SYT7: variants seen among roughly 807,000 people sequenced by gnomAD.
SYT7 encodes the protein synaptotagmin-7.
In SYT7, 29 loss-of-function variants were observed where a neutral mutation model predicts 75.1. The observed-to-expected ratio is 0.39, with a 90% CI of 0.29 to 0.53. The LOEUF (loss-of-function observed/expected upper bound fraction) is 0.53. Ranked by LOEUF, SYT7 falls within the 20% of genes least tolerant of loss-of-function variation. The probability of loss-of-function intolerance (pLI) is 0.77; values close to 1 mark genes in which losing one functional copy is unlikely to be tolerated. For missense variants in SYT7, 693 were observed against 953.2 expected (o/e 0.73, Z 3.59); for synonymous variants, 376 against 401.7 (o/e 0.94, Z 0.76).
At chr11:61,566,045 A>G (rs1334547093) in intron 1 of SYT7, among the ~76,000 whole-genome samples, 5 of 152,256 alleles carry the variant, frequency 3.3e-5, no homozygotes, top group African/African-American at 1.2e-4. Context: ...GTCGGGATCC[A>G]CAAGCACTCC....
At chr11:61,527,201 C>T (rs774246245) in intron 9 of SYT7, among the ~76,000 whole-genome samples, 18 of 152,174 alleles carry the variant, frequency 1.2e-4, no homozygotes, top group African/African-American at 1.7e-4. Flanking sequence ...CTGTGGTTCC[C>T]GTCCCATGCG....
In SYT7 at chr11:61,523,135, C is replaced by A. The variant is rs776539198; in HGVS notation, c.1896G>T (p.Thr632=). The change falls in exon 12 of 13, where the codon ACG becomes ACT. Residue 632 remains threonine, a synonymous_variant. Coordinates refer to ENST00000539008, the MANE Select transcript of SYT7 (RefSeq NM_001365809.2). This position sits in a 1 kb window ranked among gnomAD's most constrained non-coding sequence, Gnocchi z 5.0. The part of the protein sequence containing the change: ...FDIPTEKLRE[T]TIIITVMDKD... ...TGTCCATGACAGTGATGATGATGGT[C>A]GTCTCCCTCAGCTTCTCCGTGGGGA... 2 of 1,614,200 alleles carry A rather than the reference C, an allele frequency of 1.2e-6. No homozygotes were observed. Among genetic ancestry groups the A allele is most frequent in the Non-Finnish European group, 1.7e-6 (2 of 1,180,046 alleles).
chr11:61,552,472 G>A (rs2063380826), intron 2 of SYT7, among the ~76,000 whole-genome samples: 1 of 137,460 alleles, frequency 7.3e-6, no homozygotes, highest in South Asian at 2.1e-4. Context: ...ACACACACAT[G>A]CACACACACA....
At chr11:61,538,389 A>AGAAAGAG (rs1199334439) in intron 6 of SYT7, 123 bp from the exon 7 acceptor site, 2 of 267,900 alleles carry the variant, frequency 7.5e-6, no homozygotes, top group Admixed American at 6.7e-5. Flanking sequence ...GAGAGAGAGA[A>AGAAAGAG]AGAGAGAGAG....
Position 61,580,746 on chromosome 11 carries a change from G to T in SYT7, c.31+44C>A. The T allele has an allele frequency of 8.3e-7, 1 of 1,198,270 alleles. No homozygotes were observed. Among genetic ancestry groups the T allele is most frequent in the Non-Finnish European group, 1.0e-6 (1 of 958,310 alleles). The allele number at this position is 1,198,270 out of a possible 1,614,324, so 74.2% of individuals were successfully genotyped here. A position where few individuals can be genotyped will look rare whatever the true frequency, so the allele number is the denominator to read the frequency against. ...CGGCGTCCGGCGCTGCCGCTGTCCTGCCCGCCGGTGCGGGGCGCCCCAGCC... is the reference window on the plus strand; with the variant it reads ...CGGCGTCCGGCGCTGCCGCTGTCCTTCCCGCCGGTGCGGGGCGCCCCAGCC... On this transcript the variant is annotated intron_variant, in intron 1 of 12. Transcript: ENST00000539008. The surrounding 1 kb of genome is among the most constrained non-coding windows in gnomAD (Gnocchi z 6.1).
intron 9 of SYT7, chr11:61,526,738 T>TGGTTGA (rs1336874797): frequency 1.3e-5 from 2 of 152,246 alleles, no homozygotes; most frequent in Admixed American, 6.5e-5. Flanking sequence ...AACCTCTTGC[T>TGGTTGA]GGTTGAGCTA....
At chr11:61,555,388 G>A (rs1590915328) in intron 2 of SYT7, among the ~76,000 whole-genome samples, 1 of 152,226 alleles carries the variant, frequency 6.6e-6, no homozygotes, top group Non-Finnish European at 1.5e-5. Context: ...GAGGTCTTGC[G>A]GAGCAGCGGC....
At chr11:61,554,095 T>C (rs1406484547) in intron 2 of SYT7, among the ~76,000 whole-genome samples, 1 of 152,072 alleles carries the variant, frequency 6.6e-6, no homozygotes, top group Non-Finnish European at 1.5e-5. Context: ...GGGGAGGGGC[T>C]GGGACCAGGG....
At chr11:61,537,647 C>A (rs551253177) in intron 7 of SYT7, among the ~76,000 whole-genome samples, 2 of 152,284 alleles carry the variant, frequency 1.3e-5, no homozygotes, top group Admixed American at 1.3e-4. Flanking sequence ...CCAGACCCTC[C>A]CACCATGGGC....
chr11:61,581,086 C>CGT (rs1424096727), upstream of SYT7: 20 of 329,682 alleles, frequency 6.1e-5, no homozygotes, highest in Middle Eastern at 1.6e-3. Context: ...CGCGCCGGAG[C>CGT]GTGTGTGTGT....
rs932324876 is a variant in SYT7 at position 61,546,106 on chromosome 11, C to T, written c.497G>A (p.Ser166Asn). Residue 166 changes from serine to asparagine, a missense_variant, in exon 5 of 13, where the codon AGC (serine) becomes AAC (asparagine). Around this residue, in one of 2 missense-constraint regions of SYT7, gnomAD observed 487 missense variants for 593.2 expected, o/e 0.82. Coordinates refer to ENST00000539008, the MANE Select transcript of SYT7 (RefSeq NM_001365809.2). This position sits in a 1 kb window ranked among gnomAD's most constrained non-coding sequence, Gnocchi z 7.6. ...SGGAAPSEPGSGGKAGRGRWR... is the reference protein window; with the variant it reads ...SGGAAPSEPGNGGKAGRGRWR... ...GCGGCCTCTCCCCGCCTTGCCACCG[C>T]TGCCCGGCTCGCTGGGGGCAGCCCC... is the stretch of plus-strand genomic sequence containing the variant. The T allele has an allele frequency of 6.5e-7, 1 of 1,531,036 alleles. No individual in the cohort carries two copies. The highest frequency in any genetic ancestry group is 8.7e-7 in the Non-Finnish European group (1 of 1,144,656). 94.8% of individuals were successfully genotyped at this position (1,531,036 alleles called of 1,614,324 possible).
chr11:61,567,221 T>G (rs927468710), intron 1 of SYT7, among the ~76,000 whole-genome samples: 7 of 152,202 alleles, frequency 4.6e-5, no homozygotes, highest in Non-Finnish European at 1.0e-4. Flanking sequence ...CACTCAACTC[T>G]CTGGTCCTAA....
chr11:61,531,468 A>T (rs914280239), intron 8 of SYT7, among the ~76,000 whole-genome samples: 4 of 151,774 alleles, frequency 2.6e-5, no homozygotes, highest in South Asian at 2.1e-4. Context: ...GGGGGGGGGA[A>T]GATGGAAGGA....
At chr11:61,583,932 A>T (rs1565218797), upstream of SYT7, among the ~76,000 whole-genome samples, 1 of 152,164 alleles carries the variant, frequency 6.6e-6, no homozygotes, top group African/African-American at 2.4e-5. Context: ...CATGGGAAAG[A>T]GGAAAGAATA....
At chr11:61,547,064 A>G (rs2063212711) in intron 4 of SYT7, 113 bp downstream of exon 4, 1 of 1,303,764 alleles carries the variant, frequency 7.7e-7, no homozygotes, top group Non-Finnish European at 1.0e-6. Context: ...GGGGGACAGG[A>G]GCGAGAGGAG....
chr11:61,544,803 C>A (rs2063139726), intron 5 of SYT7, among the ~76,000 whole-genome samples: 1 of 152,172 alleles, frequency 6.6e-6, no homozygotes, highest in South Asian at 2.1e-4. Flanking sequence ...TGTGTGGCTT[C>A]CCTGTGGGAC....
chr11:61,578,044 G>A (rs1168222115), intron 1 of SYT7, among the ~76,000 whole-genome samples: 1 of 152,206 alleles, frequency 6.6e-6, no homozygotes, highest in Non-Finnish European at 1.5e-5. Flanking sequence ...TCTGGGAGGG[G>A]GCAGAAGGGA....
chr11:61,534,441 G>GCA (rs1555004858), intron 7 of SYT7, among the ~76,000 whole-genome samples: 1 of 29,990 alleles, frequency 3.3e-5, no homozygotes, highest in Admixed American at 4.1e-4. Flanking sequence ...ACACGCACAC[G>GCA]CACGCACACA....
chr11:61,531,723 G>A (rs543380177), intron 8 of SYT7, among the ~76,000 whole-genome samples: 3 of 151,912 alleles, frequency 2.0e-5, no homozygotes, highest in Admixed American at 6.6e-5. Context: ...GTGAAACCCC[G>A]TCTCTACTAA....
Sources: gnomAD v4.1 joint callset for allele counts (sites outside exome capture counted in the v4.1 genomes callset) on GRCh38, gnomAD v4.1.1 for gene constraint, gnomAD v4.1.1 regional missense constraint, Gnocchi (gnomAD v3.1) non-coding constraint, MANE v1.5 for transcripts, NCBI Gene and HGNC (gene_info 2026-07-23, HGNC 2026-07-21) for gene names.